Variants in SUSD4 observed in about 807,000 individuals in gnomAD.
SUSD4 encodes sushi domain containing 4.
Under a neutral mutation model 50.5 loss-of-function variants are expected in SUSD4, and 41 were observed. The ratio of observed to expected loss-of-function variants is 0.81; its 90% CI spans 0.63 to 1.05. The LOEUF (loss-of-function observed/expected upper bound fraction) is 1.05. Ranked by LOEUF, SUSD4 falls within the 50% of genes least tolerant of loss-of-function variation. The pLI, the probability that SUSD4 is intolerant of heterozygous loss-of-function variation, is 0.00. For missense variants in SUSD4, 580 were observed against 634.7 expected (o/e 0.91, Z 0.93); for synonymous variants, 257 against 257.3 (o/e 1.00, Z 0.01).
At chr1:223,241,493 C>A (rs1660580247) in intron 5 of SUSD4, among the ~76,000 whole-genome samples, 2 of 152,184 alleles carry the variant, frequency 1.3e-5, no homozygotes, top group Non-Finnish European at 2.9e-5. Flanking sequence ...CCGTGACTCT[C>A]TTTACTTTTC....
In SUSD4 at chr1:223,229,005, G is replaced by T. The variant is rs1659709707; in HGVS notation, c.916+192C>A. 3.3e-5 allele frequency among the ~76,000 whole-genome samples: 5 copies of T among 152,064 alleles called. No homozygotes were observed. In the South Asian group the frequency reaches 8.4e-4, roughly 25 times the overall value. ...AGACAGTTAATACTCTTGACTGTCT[G>T]AACAGGACCTACAAGCATCTGGCAC... On this transcript the variant is annotated intron_variant, in intron 6 of 8. Transcript: ENST00000366878. This position sits in a 1 kb window ranked among gnomAD's most constrained non-coding sequence, Gnocchi z 4.7.
At chr1:223,235,646 T>G (rs1437817078) in intron 5 of SUSD4, among the ~76,000 whole-genome samples, 1 of 152,150 alleles carries the variant, frequency 6.6e-6, no homozygotes, top group East Asian at 1.9e-4. Context: ...TATCTTTCAT[T>G]TAGTAATATG....
intron 2 of SUSD4, among the ~76,000 whole-genome samples, chr1:223,346,442 T>G (rs1180568337): frequency 6.6e-6 from 1 of 152,066 alleles, no homozygotes; most frequent in East Asian, 1.9e-4. Context: ...AGAAAGAAGG[T>G]CAAAGAGGAA....
At chr1:223,257,790 C>A (rs1297210549) in intron 5 of SUSD4, among the ~76,000 whole-genome samples, 2 of 152,190 alleles carry the variant, frequency 1.3e-5, no homozygotes, top group African/African-American at 4.8e-5. Context: ...GCGTCTCCCC[C>A]ACATGTCTGG....
chr1:223,243,846 C>A (rs1220539494), intron 5 of SUSD4, among the ~76,000 whole-genome samples: 1 of 152,220 alleles, frequency 6.6e-6, no homozygotes, highest in Non-Finnish European at 1.5e-5. Context: ...GCACCTCCTC[C>A]AGCATAGATA....
In SUSD4 at chr1:223,324,637, A is replaced by G. The variant is rs545352836; in HGVS notation, c.149-31986T>C. ...TGGAAATGCAGTTATCTCCCTTTCC[A>G]GGATCTATTTCCATGTGACCCTTCA... On this transcript the variant is annotated intron_variant, in intron 2 of 8. Transcript: ENST00000366878. Among the ~76,000 whole-genome samples the G allele has an allele frequency of 4.6e-5, 7 of 151,492 alleles. No homozygotes were observed. The South Asian group carries it at 1.1e-3, about 23-fold the overall frequency.
At chr1:223,238,865 G>A (rs1660389256) in intron 5 of SUSD4, among the ~76,000 whole-genome samples, 1 of 151,972 alleles carries the variant, frequency 6.6e-6, no homozygotes, top group Non-Finnish European at 1.5e-5. Context: ...GATTGATGGT[G>A]TTGAAATCAG....
intron 2 of SUSD4, among the ~76,000 whole-genome samples, chr1:223,326,283 A>G (rs1185584028): frequency 6.6e-6 from 1 of 152,182 alleles, no homozygotes; most frequent in Non-Finnish European, 1.5e-5. Context: ...GATGCTGGAA[A>G]AACTGGCAAG....
chr1:223,337,716 C>T (rs554592979), intron 2 of SUSD4, among the ~76,000 whole-genome samples: 21 of 152,216 alleles, frequency 1.4e-4, no homozygotes, highest in Non-Finnish European at 2.8e-4. Context: ...TGCATAGTCA[C>T]CGACTACATG....
At chr1:223,340,525 C>G (rs1325281097) in intron 2 of SUSD4, among the ~76,000 whole-genome samples, 4 of 152,206 alleles carry the variant, frequency 2.6e-5, no homozygotes, top group Non-Finnish European at 5.9e-5. Flanking sequence ...TAGTGTGCCA[C>G]AATCAAAGGT....
At chr1:223,336,631 C>T (rs1667471349) in intron 2 of SUSD4, among the ~76,000 whole-genome samples, 1 of 152,086 alleles carries the variant, frequency 6.6e-6, no homozygotes, top group African/African-American at 2.4e-5. Context: ...TGGTAAATTC[C>T]TCTATGGACT....
chr1:223,362,945 T>C (rs867566174), intron 2 of SUSD4, among the ~76,000 whole-genome samples: 22,454 of 89,526 alleles, frequency 0.25, 28 homozygotes, highest in African/African-American at 0.27. Flanking sequence ...CCCCCACCCC[T>C]CCCCCCCCCG....
intron 5 of SUSD4, among the ~76,000 whole-genome samples, chr1:223,240,452 C>T (rs1461895841): frequency 1.3e-5 from 2 of 151,788 alleles, no homozygotes; most frequent in Non-Finnish European, 2.9e-5. Context: ...TGTAGTTGTC[C>T]CACAGTCCTC....
At chr1:223,346,342 G>T (rs374736030) in intron 2 of SUSD4, among the ~76,000 whole-genome samples, 1 of 152,138 alleles carries the variant, frequency 6.6e-6, no homozygotes. Flanking sequence ...AGTTTTCAAA[G>T]ATTAGGAAAT....
intron 5 of SUSD4, among the ~76,000 whole-genome samples, chr1:223,261,715 T>C (rs1167227381): frequency 3.3e-5 from 5 of 152,198 alleles, no homozygotes; most frequent in South Asian, 2.1e-4. Context: ...TGTCACAGTG[T>C]ACATGTCTAA....
chr1:223,318,786 A>T (rs1241923969), intron 2 of SUSD4, among the ~76,000 whole-genome samples: 1 of 149,222 alleles, frequency 6.7e-6, no homozygotes, highest in Non-Finnish European at 1.5e-5. Context: ...CTTTCTTCAC[A>T]GAATTGGAAA....
intron 2 of SUSD4, among the ~76,000 whole-genome samples, chr1:223,310,856 C>T (rs1412454399): frequency 6.6e-6 from 1 of 152,194 alleles, no homozygotes; most frequent in African/African-American, 2.4e-5. Context: ...AGTGAGGTGC[C>T]TCTAGAGGCA....
At chr1:223,240,641 T>G (rs1367187267) in intron 5 of SUSD4, among the ~76,000 whole-genome samples, 2 of 152,246 alleles carry the variant, frequency 1.3e-5, no homozygotes, top group Non-Finnish European at 2.9e-5. Context: ...CATTTCTTTT[T>G]GGCTCTTTCT....
intron 2 of SUSD4, among the ~76,000 whole-genome samples, chr1:223,302,896 C>T (rs1572015401): frequency 6.6e-6 from 1 of 152,296 alleles, no homozygotes; most frequent in East Asian, 1.9e-4. Flanking sequence ...AACGTGATTG[C>T]TTTATAAAAA....
Sources: gnomAD v4.1 joint callset for allele counts (sites outside exome capture counted in the v4.1 genomes callset) on GRCh38, gnomAD v4.1.1 for gene constraint, Gnocchi (gnomAD v3.1) non-coding constraint, MANE v1.5 for transcripts, NCBI Gene and HGNC (gene_info 2026-07-23, HGNC 2026-07-21) for gene names.